Variants in CBLN3 observed in about 807,000 individuals in gnomAD.
The protein encoded by CBLN3 is cerebellin 3 precursor, also known as cerebellin-3.
In CBLN3, 14 loss-of-function variants were observed where a neutral mutation model predicts 17.4. The observed-to-expected ratio is 0.81, with a 90% CI of 0.53 to 1.26. The LOEUF (loss-of-function observed/expected upper bound fraction) is 1.26. CBLN3 is among the 50% of genes most tolerant of loss of function. The pLI is 0.00. For synonymous variants in CBLN3, 129 were observed against 117.4 expected, an observed-to-expected ratio of 1.10 and a Z score of -0.64; for missense variants, 263 against 268.5, an observed-to-expected ratio of 0.98 and a Z score of 0.14.
chr14:24,429,154 GC>G lies in CBLN3; in HGVS notation c.-101del. On this transcript the variant is annotated 5_prime_UTR_variant, in exon 1 of 3. It removes the in-frame stop codon of an upstream open reading frame in the 5' UTR. Transcript: ENST00000267406. ...CTCACCGCCGGCACCCTGATCGTCT[GC>G]CCTCTCTAGGCTCGCTGAACCCCCT... is the stretch of plus-strand genomic sequence containing the variant. 7.9e-7 allele frequency: 1 copy of G among 1,261,964 alleles called. No homozygotes were observed. The highest frequency in any genetic ancestry group is 2.8e-4 in the Middle Eastern group (1 of 3,554). The allele number at this position is 1,261,964 out of a possible 1,614,324, so 78.2% of individuals were successfully genotyped here.
At position 24,428,887 on chromosome 14, in the gene CBLN3, T is replaced by C; in HGVS notation, c.168A>G (p.Ala56=). ...CCAGGGCTGCTCCCCCGGGCCCCCC[T>C]GCAGCAGCTCGGCCAGGCTCACAGA... ...LVVCEPGRAA[A]GGPGGAALGE... Residue 56 remains alanine (A), a synonymous_variant, in exon 1 of 3, where the codon GCA becomes GCG. Coordinates refer to ENST00000267406, the MANE Select transcript of CBLN3 (RefSeq NM_001039771.3). 1.3e-6 allele frequency: 2 copies of C among 1,596,502 alleles called. No individual in the cohort carries two copies. The highest frequency in any genetic ancestry group is 1.7e-6 in the Non-Finnish European group (2 of 1,171,750).
At position 24,428,336 on chromosome 14, in the gene CBLN3, A is replaced by C; in HGVS notation, c.370T>G (p.Tyr124Asp). Residue 124 changes from tyrosine to aspartate, a missense_variant, in exon 2 of 3, where the codon TAC becomes GAC. Tyr to Asp is a radical substitution (Grantham distance 160). Coordinates refer to ENST00000267406, the MANE Select transcript of CBLN3 (RefSeq NM_001039771.3). ...GSFVAPVRGV[Y>D]SFRFHVVKVY... ...TTCACCACATGGAACCGGAAGCTGT[A>C]GACACCCCGGACAGGGGCTACGAAG... 6.2e-7 allele frequency: 1 copy of C among 1,613,938 alleles called. No homozygotes were observed. Among genetic ancestry groups the C allele is most frequent in the Non-Finnish European group, 8.5e-7 (1 of 1,179,904 alleles).
chr14:24,427,792 G>T lies in CBLN3; in HGVS notation c.615C>A (p.Leu205=), dbSNP rs1421424632. ...SSFSGFLIFP[L] ...TGTGCTTGAAAGACTTGGGTCCTCA[G>T]AGAGGGAAGATGAGGAAGCCAGAGA... is the stretch of plus-strand genomic sequence containing the variant. The change falls in exon 3 of 3, where the codon CTC becomes CTA. Residue 205 remains leucine (L), a synonymous_variant. Coordinates refer to ENST00000267406, the MANE Select transcript of CBLN3 (RefSeq NM_001039771.3). The surrounding 1 kb of genome is among the most constrained non-coding windows in gnomAD (Gnocchi z 4.4). 6.2e-7 allele frequency: 1 copy of T among 1,613,758 alleles called. No individual in the cohort carries two copies. The highest frequency in any genetic ancestry group is 8.5e-7 in the Non-Finnish European group (1 of 1,179,784).
Position 24,428,321 on chromosome 14 carries a change from G to A in CBLN3, c.385C>T (p.His129Tyr). The stretch of plus-strand genomic sequence containing the variant: ...TGGCGGTTGTACACCTTCACCACAT[G>A]GAACCGGAAGCTGTAGACACCCCGG... ...PVRGVYSFRF[H>Y]VVKVYNRQTV... Residue 129 changes from histidine to tyrosine, a missense_variant, in exon 2 of 3, where the codon CAT becomes TAT. His to Tyr is a moderately conservative substitution (Grantham distance 83, BLOSUM62 2). Coordinates refer to ENST00000267406, the MANE Select transcript of CBLN3 (RefSeq NM_001039771.3). 6.2e-7 allele frequency: 1 copy of A among 1,613,966 alleles called. No individual in the cohort carries two copies. The highest frequency in any genetic ancestry group is 8.5e-7 in the Non-Finnish European group (1 of 1,179,924).
At position 24,427,874 on chromosome 14, in the gene CBLN3, C is replaced by A. The variant is rs781723932; in HGVS notation, c.533G>T (p.Arg178Leu). 1.2e-6 allele frequency: 2 copies of A among 1,613,994 alleles called. No individual in the cohort carries two copies. The highest frequency in any genetic ancestry group is 2.2e-5 in the East Asian group (1 of 44,884). ...SVLLPLDPGD[R>L]VSLRLRRGNL... ...CCCCCGACGCAGGCGCAGAGACACT[C>A]GGTCCCCAGGGTCCAAGGGCAGTAG... The change falls in exon 3 of 3, where the codon CGA becomes CTA. Residue 178 changes from arginine to leucine, a missense_variant. Physicochemically the swap from Arg to Leu is moderately radical, Grantham distance 102. Transcript: ENST00000267406. The surrounding 1 kb of genome is among the most constrained non-coding windows in gnomAD (Gnocchi z 4.4).
In CBLN3 at chr14:24,428,374, C is replaced by T. The variant is rs757183255; in HGVS notation, c.332G>A (p.Arg111Gln). 1.2e-5 allele frequency: 19 copies of T among 1,613,712 alleles called. No individual in the cohort carries two copies. The highest frequency in any genetic ancestry group is 2.2e-5 in the East Asian group (1 of 44,872). The change falls in exon 2 of 3, where the codon CGG becomes CAG. Residue 111 changes from arginine to glutamine, a missense_variant. By Grantham distance (43) the Arg-to-Gln change is conservative. Transcript: ENST00000267406. ...AGGGGCTACGAAGGAGCCAGAGGCC[C>T]GGTCAAAGCCACCGCCCTCGTTCAC... ...VLVNEGGGFD[R>Q]ASGSFVAPVR...
chr14:24,428,688 T>C (rs2043050396), intron 1 of CBLN3, 67 bp downstream of exon 1: 1 of 1,495,634 alleles, frequency 6.7e-7, no homozygotes, highest in Non-Finnish European at 9.0e-7. Context: ...CAAAGTGGGC[T>C]TGGACAGTTG....
rs201561872 is a variant in CBLN3 at position 24,428,304 on chromosome 14, G to A, written c.402C>T (p.Tyr134=). ...YSFRFHVVKV[Y]NRQTVQVSLM... is the part of the protein sequence containing the mutation. ...AGGTCACCTGGACAGTTTGGCGGTT[G>A]TACACCTTCACCACATGGAACCGGA... The change falls in exon 2 of 3, where the codon TAC becomes TAT. Residue 134 remains tyrosine (Y), a synonymous_variant. Coordinates refer to ENST00000267406, the MANE Select transcript of CBLN3 (RefSeq NM_001039771.3). The A allele has an allele frequency of 3.1e-6, 5 of 1,613,912 alleles. No individual in the cohort carries two copies. Among genetic ancestry groups the A allele is most frequent in the Non-Finnish European group, 4.2e-6 (5 of 1,179,908 alleles).
chr14:24,428,132 C>A, intron 2 of CBLN3, 146 bp from the exon 3 acceptor site: 2 of 1,314,458 alleles, frequency 1.5e-6, no homozygotes, highest in Non-Finnish European at 2.1e-6. Context: ...CTCTGCACAT[C>A]CTCCACACTC....
In CBLN3 at chr14:24,429,653, C is replaced by T. The variant is rs918528304; in HGVS notation, c.-599G>A. ...GTGGAAAGTGCTTGGGCCTAGAGCA[C>T]CAGTGGGCCAGTCACGCTGCCTCTT... On this transcript the variant is annotated 5_prime_UTR_variant, in exon 1 of 3. It adds an upstream start codon to the 5' untranslated region. Transcript: ENST00000267406. The T allele has an allele frequency of 8.1e-6, 9 of 1,112,910 alleles. No individual in the cohort carries two copies. The African/African-American group carries it at 1.2e-4, about 15-fold the overall frequency. 68.9% of individuals were successfully genotyped at this position (1,112,910 alleles called of 1,614,324 possible).
At position 24,427,847 on chromosome 14, in the gene CBLN3, T is replaced by C. The variant is rs1396221751; in HGVS notation, c.560A>G (p.Asn187Ser). 7 of 1,614,042 alleles carry C rather than the reference T, an allele frequency of 4.3e-6. No homozygotes were observed. Among genetic ancestry groups the C allele is most frequent in the African/African-American group, 1.3e-5 (1 of 75,004 alleles). Residue 187 changes from asparagine to serine, a missense_variant, in exon 3 of 3, where the codon AAT becomes AGT. Physicochemically the swap from Asn to Ser is conservative, Grantham distance 46 (BLOSUM62 1). Transcript: ENST00000267406. The surrounding 1 kb of genome is among the most constrained non-coding windows in gnomAD (Gnocchi z 4.4). ...TGAGTATTTCCAACCACCCAGTAGATTCCCCCGACGCAGGCGCAGAGACAC... is the reference window on the plus strand; with the variant it reads ...TGAGTATTTCCAACCACCCAGTAGACTCCCCCGACGCAGGCGCAGAGACAC... ...DRVSLRLRRG[N>S]LLGGWKYSSF...
rs181024914 is a variant in CBLN3 at position 24,428,097 on chromosome 14, G to C, written c.421-111C>G. The C allele has an allele frequency of 8.4e-3, 11,284 of 1,345,584 alleles. 70 individuals are homozygous for C. Among genetic ancestry groups the C allele is most frequent in the Non-Finnish European group, 0.01 (9,886 of 976,508 alleles). The allele number at this position is 1,345,584 out of a possible 1,614,324, so 83.4% of individuals were successfully genotyped here. A position where few individuals can be genotyped will look rare whatever the true frequency, so the allele number is the denominator to read the frequency against. On this transcript the variant is annotated intron_variant, in intron 2 of 2. Transcript: ENST00000267406. ...TGGGTTTTAATGGGCTCTCCCGGGA[G>C]GGCTGAGGGGCGGCCAGCATTGGAC...
chr14:24,428,257 C>A, intron 2 of CBLN3, 29 bp downstream of exon 2: 1 of 1,611,348 alleles, frequency 6.2e-7, no homozygotes, highest in Non-Finnish European at 8.5e-7. Flanking sequence ...CCCTCCTGAG[C>A]CGGGGATGGG....
chr14:24,429,504 A>C lies in CBLN3; in HGVS notation c.-450T>G. The C allele has an allele frequency of 6.5e-6, 3 of 459,066 alleles. No homozygotes were observed. Among genetic ancestry groups the C allele is most frequent in the Non-Finnish European group, 1.3e-5 (3 of 237,330 alleles). The allele number at this position is 459,066 out of a possible 1,614,324, so 28.4% of individuals were successfully genotyped here. ...TCCTCCTACTCTTCCTCTCTTCAAA[A>C]TCCCCCACAAATCAACAGCCCTTCT... On this transcript the variant is annotated 5_prime_UTR_variant, in exon 1 of 3. Coordinates refer to ENST00000267406, the MANE Select transcript of CBLN3 (RefSeq NM_001039771.3).
intron 1 of CBLN3, among the ~76,000 whole-genome samples, 174 bp from the exon 2 acceptor site, chr14:24,428,579 T>A (rs1224538621): frequency 5.3e-5 from 8 of 150,930 alleles, no homozygotes; most frequent in African/African-American, 2.0e-4. Flanking sequence ...GAGGGCTGCG[T>A]ATGGGTGGAG....
At chr14:24,428,677 G>C in intron 1 of CBLN3, 78 bp downstream of exon 1, 1 of 1,463,740 alleles carries the variant, frequency 6.8e-7, no homozygotes, top group South Asian at 1.3e-5. Context: ...CTCAGAGACA[G>C]CAAAGTGGGC....
Position 24,428,964 on chromosome 14 carries a change from ACCCGGC to A in CBLN3, c.85_90del (p.Ala29_Gly30del). On this transcript the variant is annotated inframe_deletion, in exon 1 of 3. Coordinates refer to ENST00000267406, the MANE Select transcript of CBLN3 (RefSeq NM_001039771.3). ...ACGGGCTCTGACCCCTCCTGGGCCC[ACCCGGC>A]CCCCAGGGCCAGAAGCACCAGAACC... 2.6e-6 allele frequency: 4 copies of A among 1,551,330 alleles called. No individual in the cohort carries two copies. Among genetic ancestry groups the A allele is most frequent in the Non-Finnish European group, 3.5e-6 (4 of 1,147,110 alleles).
At position 24,429,278 on chromosome 14, in the gene CBLN3, T is replaced by G. The variant is rs1055066915; in HGVS notation, c.-224A>C. 2 of 701,166 alleles carry G rather than the reference T, an allele frequency of 2.9e-6. No individual in the cohort carries two copies. The highest frequency in any genetic ancestry group is 5.1e-6 in the Non-Finnish European group (2 of 392,170). 43.4% of individuals were successfully genotyped at this position (701,166 alleles called of 1,614,324 possible). A position where few individuals can be genotyped will look rare whatever the true frequency, so the allele number is the denominator to read the frequency against. ...TGGCAGAGCATGCAGTGACAGCAGT[T>G]GGGCTTTGGGAGAGAAAGGAGGGAT... On this transcript the variant is annotated 5_prime_UTR_variant, in exon 1 of 3. Coordinates refer to ENST00000267406, the MANE Select transcript of CBLN3 (RefSeq NM_001039771.3).
Position 24,428,421 on chromosome 14 carries a change from C to A in CBLN3, c.301-16G>T, listed in dbSNP as rs766727186. 2.0e-5 allele frequency: 33 copies of A among 1,613,286 alleles called. No homozygotes were observed. The Admixed American group carries it at 5.3e-4, about 26-fold the overall frequency. The stretch of plus-strand genomic sequence containing the variant: ...TCACCAGGACCTGGGGGAAGCAGAG[C>A]CTGCTGAGTGGGGCTCAGGAAATGC... On this transcript the variant is annotated splice_polypyrimidine_tract_variant and intron_variant, in intron 1 of 2. Transcript: ENST00000267406.
Sources: gnomAD v4.1 joint callset for allele counts (sites outside exome capture counted in the v4.1 genomes callset) on GRCh38, gnomAD v4.1.1 for gene constraint, Gnocchi (gnomAD v3.1) non-coding constraint, MANE v1.5 for transcripts, NCBI Gene and HGNC (gene_info 2026-07-23, HGNC 2026-07-21) for gene names.